Variants in FLT4 observed in about 807,000 individuals in gnomAD.
FLT4 encodes the protein fms related receptor tyrosine kinase 4.
In FLT4, 30 loss-of-function variants were observed where a neutral mutation model predicts 163.2. That is an observed-to-expected ratio of 0.18 (90% confidence interval 0.14 to 0.25). The LOEUF is 0.25. Ranked by LOEUF, FLT4 falls within the 10% of genes least tolerant of loss-of-function variation. The pLI, the probability that FLT4 is intolerant of heterozygous loss-of-function variation, is 1.00. For synonymous variants in FLT4, 884 were observed against 789.5 expected (o/e 1.12, Z -2.01); for missense variants, 1,510 against 1,863.8 (o/e 0.81, Z 3.50).
chr5:180,619,809 G>T, intron 17 of FLT4, 40 bp from the exon 18 acceptor site: 1 of 1,489,880 alleles, frequency 6.7e-7, no homozygotes, highest in Non-Finnish European at 9.3e-7. Context: ...AGCTGTACGG[G>T]GTGAGCGTGG....
intron 9 of FLT4, 21 bp from the exon 10 acceptor site, chr5:180,626,052 G>A (rs372658704): frequency 1.2e-5 from 20 of 1,612,552 alleles, no homozygotes; most frequent in East Asian, 1.1e-4. Context: ...ACAGATGGCC[G>A]GTCAGCTGGC....
chr5:180,608,848 G>C, intron 29 of FLT4, 120 bp downstream of exon 29: 1 of 870,848 alleles, frequency 1.1e-6, no homozygotes, highest in Non-Finnish European at 2.0e-6. Flanking sequence ...GCGCGAAAAG[G>C]CCATAGGGAG....
chr5:180,625,061 C>G (rs1393574260), intron 10 of FLT4, among the ~76,000 whole-genome samples: 2 of 152,196 alleles, frequency 1.3e-5, no homozygotes, highest in Non-Finnish European at 2.9e-5. Flanking sequence ...ACTGAGCCTC[C>G]CCCACTGACC....
At chr5:180,618,749 G>A (rs1041266626) in intron 21 of FLT4, 21 bp downstream of exon 21, 9 of 1,580,014 alleles carry the variant, frequency 5.7e-6, no homozygotes, top group Admixed American at 5.4e-5. Context: ...ACTAGGAAAA[G>A]GGAAGAGGCC....
At chr5:180,612,436 G>C in intron 26 of FLT4, 70 bp downstream of exon 26, 1 of 1,141,462 alleles carries the variant, frequency 8.8e-7, no homozygotes, top group Non-Finnish European at 1.3e-6. Flanking sequence ...GGCTTGGAGG[G>C]GCAGCTCGGG....
intron 1 of FLT4, among the ~76,000 whole-genome samples, chr5:180,634,695 A>T (rs1446962151): frequency 2.5e-4 from 2 of 7,872 alleles, no homozygotes; most frequent in Non-Finnish European, 6.5e-4. Flanking sequence ...ACTCCGTCTC[A>T]AAAAAAAAAA....
In FLT4 at chr5:180,609,037, C is replaced by T; in HGVS notation, c.3824G>A (p.Ser1275Asn). The T allele has an allele frequency of 6.2e-7, 1 of 1,614,220 alleles. No individual in the cohort carries two copies. The highest frequency in any genetic ancestry group is 8.5e-7 in the Non-Finnish European group (1 of 1,180,018). Reference sequence around the variant, plus strand: ...CTCCTCCGAGGCCAGCACCATCCCACTGTCTGTCTGGTTGTCCTGTGTGGA... The same window carrying T: ...CTCCTCCGAGGCCAGCACCATCCCATTGTCTGTCTGGTTGTCCTGTGTGGA... Reference protein sequence around the residue: ...YKGSVDNQTDSGMVLASEEFE... With the variant: ...YKGSVDNQTDNGMVLASEEFE... Residue 1275 changes from serine (S) to asparagine (N), a missense_variant, in exon 29 of 30, where the codon AGT becomes AAT. Physicochemically the swap from Ser to Asn is conservative, Grantham distance 46 (BLOSUM62 1). Around this residue, in one of 5 missense-constraint regions of FLT4, gnomAD observed 295 missense variants for 311.0 expected, o/e 0.95. Coordinates refer to ENST00000261937, the MANE Select transcript of FLT4 (RefSeq NM_182925.5).
rs1761903454 is a variant in FLT4 at position 180,608,140 on chromosome 5, C to T, written c.3893+828G>A. 3 of 700,352 alleles carry T rather than the reference C, an allele frequency of 4.3e-6. No homozygotes were observed. In the African/African-American group the frequency reaches 5.2e-5, roughly 12 times the overall value. The allele number at this position is 700,352 out of a possible 1,614,324, so 43.4% of individuals were successfully genotyped here. A position where few individuals can be genotyped will look rare whatever the true frequency, so the allele number is the denominator to read the frequency against. ...ACACTCCTTGTCCACTTTCATGCTC[C>T]TCTTGTCCTCCTGGTTCCTCTTTGA... On this transcript the variant is annotated intron_variant, in intron 29 of 29. Transcript: ENST00000261937.
At chr5:180,631,283 T>C (rs551353727) in intron 2 of FLT4, among the ~76,000 whole-genome samples, 3,745 of 150,648 alleles carry the variant, frequency 0.025, 109 homozygotes, top group Admixed American at 0.08. Context: ...ACCATCCTGC[T>C]TAACACGGTG....
intron 18 of FLT4, 138 bp from the exon 19 acceptor site, chr5:180,619,504 G>C (rs770683331): frequency 1.0e-6 from 1 of 953,572 alleles, no homozygotes; most frequent in Non-Finnish European, 1.7e-6. Context: ...GAGGGGGTTC[G>C]GGTGGTCCCT....
rs2127836039 is a variant in FLT4, at chr5:180,630,027, G to A, written c.592C>T (p.Leu198=). 1 of 1,612,832 alleles carries A rather than the reference G, an allele frequency of 6.2e-7. No homozygotes were observed. Among genetic ancestry groups the A allele is most frequent in the Non-Finnish European group, 8.5e-7 (1 of 1,180,008 alleles). ...CACTGCAGGTACAGGGCATCGTGCAGCAGTGGCGTGGACACGAGCATGCCC... is the reference window on the plus strand; with the variant it reads ...CACTGCAGGTACAGGGCATCGTGCAACAGTGGCGTGGACACGAGCATGCCC... ...RRGMLVSTPL[L]HDALYLQCET... is the part of the protein sequence containing the mutation. The change falls in exon 5 of 30, where the codon CTG becomes TTG. Residue 198 remains leucine (L), a synonymous_variant. Coordinates refer to ENST00000261937, the MANE Select transcript of FLT4 (RefSeq NM_182925.5). The surrounding 1 kb of genome is among the most constrained non-coding windows in gnomAD (Gnocchi z 6.3).
At position 180,611,466 on chromosome 5, in the gene FLT4, ACCT is replaced by A. The variant is rs763760623; in HGVS notation, c.3548_3550del (p.Glu1183del). ...CTGAGAGCTGCGCGGGGCCATGCAG[ACCT>A]CCTCTTCCTCCTGGCGGGAACAGGA... On this transcript the variant is annotated inframe_deletion, in exon 27 of 30. Transcript: ENST00000261937. The A allele has an allele frequency of 2.7e-5, 43 of 1,613,248 alleles. No homozygotes were observed. The Admixed American group carries it at 5.3e-4, about 20-fold the overall frequency.
intron 1 of FLT4, among the ~76,000 whole-genome samples, chr5:180,632,251 TCCTGCCTGCTCTCTGCCAGGGGCCTCGC>T (rs1764236967): frequency 3.3e-5 from 5 of 151,804 alleles, no homozygotes; most frequent in Admixed American, 6.5e-5. Flanking sequence ...CCTCGCCCCC[TCCTGCCTGCTCTCTGCCAGGGGCCTCGC>T]CCCCTCCTGC....
rs1255079819 is a variant in FLT4, at chr5:180,618,991, CCCG to C, written c.2850+27_2850+29del. 2.6e-6 allele frequency: 4 copies of C among 1,546,822 alleles called. No homozygotes were observed. The Admixed American group carries it at 8.0e-5, about 31-fold the overall frequency. Reference sequence around the variant, plus strand: ...CAGAGGCGCCTCCATTCCCCCGCCGCCCGCGGCGCCCCGCAGGCCGCCCGCTCA... The same window carrying C: ...CAGAGGCGCCTCCATTCCCCCGCCGCCGGCGCCCCGCAGGCCGCCCGCTCA... On this transcript the variant is annotated intron_variant, in intron 20 of 29. Coordinates refer to ENST00000261937, the MANE Select transcript of FLT4 (RefSeq NM_182925.5).
At chr5:180,625,410 G>T (rs550455838) in intron 10 of FLT4, among the ~76,000 whole-genome samples, 1 of 152,222 alleles carries the variant, frequency 6.6e-6, no homozygotes, top group Admixed American at 6.5e-5. Flanking sequence ...GGGGATGTGA[G>T]TGGTGCACAG....
intron 11 of FLT4, 90 bp from the exon 12 acceptor site, chr5:180,622,929 C>T (rs575781385): frequency 1.3e-6 from 1 of 751,538 alleles, no homozygotes; most frequent in Non-Finnish European, 2.2e-6. Context: ...CTGTGCACCA[C>T]CCCCCCCAAT....
At chr5:180,611,208 G>C (rs1762164355) in intron 27 of FLT4, 123 bp downstream of exon 27, 2 of 1,205,048 alleles carry the variant, frequency 1.7e-6, no homozygotes, top group Non-Finnish European at 2.4e-6. Flanking sequence ...TGTGCTCTGA[G>C]TTTGTGCACA....
chr5:180,640,698 C>T (rs1018310924), intron 1 of FLT4, among the ~76,000 whole-genome samples: 2 of 152,254 alleles, frequency 1.3e-5, no homozygotes, highest in African/African-American at 4.8e-5. Context: ...GGAGAGCCAG[C>T]CTTGCTTTCC....
chr5:180,630,755 G>A lies in FLT4; in HGVS notation c.200C>T (p.Ala67Val), dbSNP rs757054474. ...GCTGTCCTTGTCTCCGGTGGCTGGC[G>A]CCTCCTGAGCTCCTGGCCAAGCCCA... Reference protein sequence around the residue: ...LEWAWPGAQEAPATGDKDSED... With the variant: ...LEWAWPGAQEVPATGDKDSED... The change falls in exon 3 of 30, where the codon GCG becomes GTG. Residue 67 changes from alanine (A) to valine (V), a missense_variant. This residue lies in a region of FLT4 where 157 missense variants were observed against 178.7 expected (regional missense o/e 0.88). Coordinates refer to ENST00000261937, the MANE Select transcript of FLT4 (RefSeq NM_182925.5). The surrounding 1 kb of genome is among the most constrained non-coding windows in gnomAD (Gnocchi z 6.3). The A allele has an allele frequency of 3.4e-5, 55 of 1,608,604 alleles. No individual in the cohort carries two copies. The highest frequency in any genetic ancestry group is 3.3e-4 in the Middle Eastern group (2 of 6,082).
Sources: allele counts gnomAD v4.1 joint callset (sites outside exome capture counted in the v4.1 genomes callset), GRCh38; gene constraint gnomAD v4.1.1; regional missense constraint gnomAD v4.1.1; non-coding constraint Gnocchi (gnomAD v3.1); transcripts MANE v1.5; gene names NCBI Gene and HGNC (gene_info 2026-07-23, HGNC 2026-07-21).